Variants in EPHA6 observed in about 807,000 individuals in gnomAD.
The protein encoded by EPHA6 is ephrin type-A receptor 6.
A neutral mutation model predicts 112.0 loss-of-function variants in EPHA6; 50 were observed. The observed-to-expected ratio is 0.45, with a 90% confidence interval of 0.36 to 0.56. The LOEUF (loss-of-function observed/expected upper bound fraction) is 0.56, where lower values mean the gene tolerates loss of function less well. Among genes scored for constraint, EPHA6 ranks in the 20% least tolerant of loss-of-function variants. The pLI is 0.00. For missense variants in EPHA6, 1,280 were observed against 1,417.4 expected (o/e 0.90, Z 1.56); for synonymous variants, 529 against 490.7 (o/e 1.08, Z -1.03).
At chr3:97,174,262 G>T (rs1170063255) in intron 3 of EPHA6, among the ~76,000 whole-genome samples, 1 of 151,786 alleles carries the variant, frequency 6.6e-6, no homozygotes, top group Admixed American at 6.6e-5. Flanking sequence ...GTACTTCATT[G>T]TGTATATGTA....
chr3:97,594,759 A>G (rs1412357814), intron 12 of EPHA6, among the ~76,000 whole-genome samples: 1 of 152,218 alleles, frequency 6.6e-6, no homozygotes, highest in African/African-American at 2.4e-5. Context: ...TAGCTGAATT[A>G]ATACCCTTCA....
At chr3:96,843,541 C>T (rs1033293287) in intron 1 of EPHA6, among the ~76,000 whole-genome samples, 6 of 151,930 alleles carry the variant, frequency 3.9e-5, no homozygotes, top group African/African-American at 4.8e-5. Flanking sequence ...ATTCAGTCAG[C>T]GAGGTGGCGG....
chr3:97,612,397 A>T (rs2107464837), intron 13 of EPHA6: 1 of 426,824 alleles, frequency 2.3e-6, no homozygotes, highest in Admixed American at 2.5e-5. Flanking sequence ...AAAGCAGAAT[A>T]TAATGGCAAA....
chr3:97,712,287 T>C (rs2034008182), intron 14 of EPHA6, among the ~76,000 whole-genome samples: 1 of 152,126 alleles, frequency 6.6e-6, no homozygotes, highest in South Asian at 2.1e-4. Flanking sequence ...CAGCTGGGTT[T>C]AAAAAAGTGA....
chr3:97,358,710 A>G (rs538350693), intron 5 of EPHA6, among the ~76,000 whole-genome samples: 3 of 152,108 alleles, frequency 2.0e-5, no homozygotes, highest in Non-Finnish European at 4.4e-5. Context: ...TTTACCCTGC[A>G]GAACTCCTTT....
At chr3:97,134,934 C>T (rs2075731906) in intron 3 of EPHA6, among the ~76,000 whole-genome samples, 1 of 152,128 alleles carries the variant, frequency 6.6e-6, no homozygotes, top group Non-Finnish European at 1.5e-5. Context: ...GTTGATGAAA[C>T]TCCCCAGGTT....
intron 15 of EPHA6, among the ~76,000 whole-genome samples, chr3:97,722,287 A>C (rs2107800726): frequency 6.6e-6 from 1 of 152,302 alleles, no homozygotes; most frequent in South Asian, 2.1e-4. Context: ...TATTCATTTA[A>C]AACTATTTAG....
intron 3 of EPHA6, among the ~76,000 whole-genome samples, chr3:97,176,153 AT>A (rs1559775475): frequency 2.0e-5 from 3 of 151,890 alleles, no homozygotes; most frequent in African/African-American, 7.2e-5. Context: ...ATCAATTGAA[AT>A]GATTATGATT....
intron 5 of EPHA6, among the ~76,000 whole-genome samples, chr3:97,275,238 G>A (rs2080030183): frequency 6.6e-6 from 1 of 152,126 alleles, no homozygotes; most frequent in Non-Finnish European, 1.5e-5. Context: ...AGTCAGACAC[G>A]ATCAGCAGGG....
In EPHA6 at chr3:97,629,564, C is replaced by T. The variant is rs545418959; in HGVS notation, c.2575-8309C>T. ...ATAATTCTCATTAATTCTTCTTTTG[C>T]ATACAAAACTTGACATTGATCTTTT... On this transcript the variant is annotated intron_variant, in intron 13 of 17. Transcript: ENST00000389672. Among the ~76,000 whole-genome samples the T allele has an allele frequency of 3.9e-5, 6 of 151,984 alleles. No homozygotes were observed. The East Asian group carries it at 7.8e-4, about 20-fold the overall frequency.
intron 5 of EPHA6, among the ~76,000 whole-genome samples, chr3:97,319,352 G>A (rs185463120): frequency 6.6e-6 from 1 of 151,436 alleles, no homozygotes; most frequent in Non-Finnish European, 1.5e-5. Flanking sequence ...CAAAAATTGT[G>A]TATACTACCT....
At chr3:97,631,149 AAAGT>A (rs1413373828) in intron 13 of EPHA6, among the ~76,000 whole-genome samples, 2 of 152,056 alleles carry the variant, frequency 1.3e-5, no homozygotes, top group East Asian at 3.9e-4. Context: ...GAGCAAAACA[AAAGT>A]AAGTGGAAAG....
intron 5 of EPHA6, among the ~76,000 whole-genome samples, chr3:97,317,109 T>C (rs748311236): frequency 6.6e-6 from 1 of 151,868 alleles, no homozygotes; most frequent in Non-Finnish European, 1.5e-5. Context: ...ATAGTACTTA[T>C]TGTTGCCATC....
chr3:97,742,365 A>T (rs924361846), intron 16 of EPHA6, among the ~76,000 whole-genome samples: 8 of 152,160 alleles, frequency 5.3e-5, no homozygotes, highest in African/African-American at 1.9e-4. Flanking sequence ...CGTAGGAACC[A>T]TGTGCTGGGT....
chr3:97,129,380 T>C (rs2048273883), intron 3 of EPHA6, among the ~76,000 whole-genome samples: 1 of 151,956 alleles, frequency 6.6e-6, no homozygotes, highest in Admixed American at 6.6e-5. Context: ...AGGGTGCCTG[T>C]AGTCCCAGCT....
rs750577492 is a variant in EPHA6, at chr3:97,532,457, A to G, written c.2300A>G (p.Gln767Arg). ...KTLKGGHMDR[Q>R]RRDFLREASI... The stretch of plus-strand genomic sequence containing the variant: ...TTGAAAGGTGGCCACATGGATCGGC[A>G]AAGAAGAGATTTTCTAAGAGAAGCT... Residue 767 changes from glutamine (Q) to arginine (R), a missense_variant, in exon 11 of 18, where the codon CAA (glutamine) becomes CGA (arginine). This residue lies in a region of EPHA6 where 878 missense variants were observed against 999.7 expected (regional missense o/e 0.88). Coordinates refer to ENST00000389672, the MANE Select transcript of EPHA6 (RefSeq NM_001080448.3). The G allele has an allele frequency of 1.7e-5, 28 of 1,612,544 alleles. No individual in the cohort carries two copies. The highest frequency in any genetic ancestry group is 5.0e-5 in the Admixed American group (3 of 59,846).
At chr3:97,068,961 A>G (rs960260532) in intron 3 of EPHA6, among the ~76,000 whole-genome samples, 2 of 152,140 alleles carry the variant, frequency 1.3e-5, no homozygotes, top group Non-Finnish European at 2.9e-5. Flanking sequence ...GTACATGGCA[A>G]TTTGTTACAG....
At chr3:97,204,696 C>T (rs980846691) in intron 3 of EPHA6, among the ~76,000 whole-genome samples, 3 of 151,932 alleles carry the variant, frequency 2.0e-5, no homozygotes, top group African/African-American at 7.2e-5. Context: ...CACTTAAATC[C>T]GTGGAAAGGA....
intron 2 of EPHA6, among the ~76,000 whole-genome samples, chr3:96,986,972 A>G (rs906078542): frequency 4.6e-5 from 7 of 152,202 alleles, no homozygotes; most frequent in African/African-American, 9.6e-5. Context: ...TAATGTTCTT[A>G]TAGTATGCCA....
Sources: gnomAD v4.1 joint callset for allele counts (sites outside exome capture counted in the v4.1 genomes callset) on GRCh38, gnomAD v4.1.1 for gene constraint, gnomAD v4.1.1 regional missense constraint, MANE v1.5 for transcripts, NCBI Gene and HGNC (gene_info 2026-07-23, HGNC 2026-07-21) for gene names.